The following ABCA13 variants were observed in gnomAD, a reference collection of about 807,000 sequenced individuals.
ABCA13 encodes the protein ATP-binding cassette sub-family A member 13.
In ABCA13, 476 loss-of-function variants were observed where a neutral mutation model predicts 478.7. The observed-to-expected ratio is 0.99, with a 90% confidence interval of 0.92 to 1.07. ABCA13 has a LOEUF of 1.07. Ranked by LOEUF, ABCA13 falls within the 50% of genes least tolerant of loss-of-function variation. The pLI is 0.00. For synonymous variants in ABCA13, 2,252 were observed against 2,158.9 expected (o/e 1.04, Z -1.20); for missense variants, 6,060 against 5,910.6 (o/e 1.03, Z -0.83).
Position 48,272,381 on chromosome 7 carries a change from T to C in ABCA13, c.2715T>C (p.Phe905=), listed in dbSNP as rs1190332889. The stretch of plus-strand genomic sequence containing the variant: ...CTATAATAACTAGTCTCCATGAATT[T>C]GGATTTTTGGAGCAGGAACAGATCT... ...SEAIITSLHE[F]GFLEQEQISE... is the part of the protein sequence containing the mutation. Residue 905 remains phenylalanine, a synonymous_variant, in exon 17 of 62, where the codon TTT becomes TTC. Transcript: ENST00000435803. 6.2e-7 allele frequency: 1 copy of C among 1,613,796 alleles called. No homozygotes were observed.
intron 42 of ABCA13, among the ~76,000 whole-genome samples, chr7:48,437,316 A>G (rs894561344): frequency 6.6e-6 from 1 of 151,930 alleles, no homozygotes; most frequent in Non-Finnish European, 1.5e-5. Context: ...AGTTTATTCT[A>G]TCTGATATTA....
chr7:48,547,180 A>G (rs1431670784), intron 55 of ABCA13, among the ~76,000 whole-genome samples: 1 of 151,624 alleles, frequency 6.6e-6, no homozygotes, highest in Non-Finnish European at 1.5e-5. Context: ...TTTTTCATTC[A>G]TTTCATTCAG....
intron 23 of ABCA13, among the ~76,000 whole-genome samples, chr7:48,301,261 C>T (rs1278259741): frequency 6.6e-6 from 1 of 152,098 alleles, no homozygotes; most frequent in Non-Finnish European, 1.5e-5. Context: ...TTCTTTTGAG[C>T]AGAAATGATT....
intron 12 of ABCA13, 123 bp from the exon 13 acceptor site, chr7:48,245,739 CA>C: frequency 2.1e-6 from 3 of 1,440,560 alleles, no homozygotes; most frequent in Non-Finnish European, 2.8e-6. Context: ...GCAGGTTTTT[CA>C]AAACTTTATG....
At chr7:48,475,284 C>T (rs962810145) in intron 45 of ABCA13, among the ~76,000 whole-genome samples, 2 of 152,062 alleles carry the variant, frequency 1.3e-5, no homozygotes, top group Non-Finnish European at 2.9e-5. Context: ...TCAAAGGAGA[C>T]GTACACAAAG....
intron 42 of ABCA13, among the ~76,000 whole-genome samples, chr7:48,428,701 A>G (rs1821752981): frequency 6.6e-6 from 1 of 152,198 alleles, no homozygotes; most frequent in African/African-American, 2.4e-5. Context: ...TAGCTATTAA[A>G]ATAGATGTGT....
chr7:48,175,113 T>G (rs1794663502), intron 1 of ABCA13, among the ~76,000 whole-genome samples: 7 of 152,352 alleles, frequency 4.6e-5, no homozygotes, highest in Admixed American at 3.9e-4. Context: ...CCATCAACAT[T>G]GGCAAATATT....
At chr7:48,634,383 C>T (rs1794456923) in intron 59 of ABCA13, among the ~76,000 whole-genome samples, 1 of 152,116 alleles carries the variant, frequency 6.6e-6, no homozygotes, top group Non-Finnish European at 1.5e-5. Flanking sequence ...GGTATTATTT[C>T]TTAAAACATT....
intron 29 of ABCA13, among the ~76,000 whole-genome samples, chr7:48,342,239 A>G (rs968526898): frequency 1.3e-5 from 2 of 152,094 alleles, no homozygotes; most frequent in Admixed American, 6.5e-5. Flanking sequence ...GACTCACTCA[A>G]TCCTTGCACA....
chr7:48,489,294 AC>A lies in ABCA13; in HGVS notation c.13243del (p.Ile4416PhefsTer17), dbSNP rs761151004. ...CCTTCCTACTTAAATCATCTAAACA[AC>A]CTTATTTTGTGGCAGCACCTACCCC... ...SLPSYLNHLN[N>X]LILWQHLPPT... On this transcript the variant is annotated frameshift_variant, in exon 48 of 62. Transcript: ENST00000435803. LOFTEE classifies it high-confidence loss of function. 1.4e-5 allele frequency: 22 copies of A among 1,612,928 alleles called. No homozygotes were observed. Among genetic ancestry groups the A allele is most frequent in the Non-Finnish European group, 1.8e-5 (21 of 1,179,346 alleles).
intron 39 of ABCA13, among the ~76,000 whole-genome samples, chr7:48,409,309 T>C (rs1054230931): frequency 6.6e-6 from 1 of 152,252 alleles, no homozygotes; most frequent in African/African-American, 2.4e-5. Context: ...CTAGTTTCTT[T>C]GGCCTCTGCT....
chr7:48,561,983 C>T (rs1021733677), intron 55 of ABCA13, among the ~76,000 whole-genome samples: 17 of 151,870 alleles, frequency 1.1e-4, no homozygotes, highest in African/African-American at 3.4e-4. Flanking sequence ...AAGTGTAGAA[C>T]ATGAAAACAG....
chr7:48,352,209 C>A lies in ABCA13; in HGVS notation c.10410C>A (p.Asp3470Glu). 1 of 1,606,314 alleles carries A rather than the reference C, an allele frequency of 6.2e-7. No homozygotes were observed. Among genetic ancestry groups the A allele is most frequent in the South Asian group, 1.1e-5 (1 of 90,742 alleles). Residue 3470 changes from aspartate to glutamate, a missense_variant, in exon 31 of 62, where the codon GAC (aspartate) becomes GAA (glutamate). By Grantham distance (45) the Asp-to-Glu change is conservative. Transcript: ENST00000435803. ...ASIIFSNSLF[D>E]KNFRSESVKL... ...TCATTTTCAGCAATTCCTTATTCGA[C>A]AAGAACTTCAGATCAGAGTCTGTCA...
At chr7:48,422,888 T>G (rs1391841094) in intron 41 of ABCA13, among the ~76,000 whole-genome samples, 1 of 152,150 alleles carries the variant, frequency 6.6e-6, no homozygotes, top group African/African-American at 2.4e-5. Context: ...AGAGATGAGC[T>G]TTAAAGATGG....
chr7:48,491,728 TAAAG>T (rs1277215437), intron 48 of ABCA13, among the ~76,000 whole-genome samples: 2 of 152,160 alleles, frequency 1.3e-5, no homozygotes, highest in East Asian at 3.9e-4. Flanking sequence ...AAAATATTGA[TAAAG>T]AACTCCCACG....
chr7:48,358,128 G>A (rs1810228067), intron 31 of ABCA13, among the ~76,000 whole-genome samples: 3 of 148,966 alleles, frequency 2.0e-5, no homozygotes, highest in African/African-American at 7.6e-5. Context: ...GGTGACAAGA[G>A]CAAACTCCGT....
At chr7:48,474,753 C>T (rs1259782065) in intron 45 of ABCA13, among the ~76,000 whole-genome samples, 1 of 152,138 alleles carries the variant, frequency 6.6e-6, no homozygotes, top group Non-Finnish European at 1.5e-5. Flanking sequence ...CATGAGATCT[C>T]TGATTTTTTA....
chr7:48,602,689 A>G (rs1791033613), intron 58 of ABCA13, among the ~76,000 whole-genome samples: 1 of 151,312 alleles, frequency 6.6e-6, no homozygotes, highest in Admixed American at 6.6e-5. Flanking sequence ...TTTGCTTAGG[A>G]TTGTCTTGGT....
At position 48,626,152 on chromosome 7, in the gene ABCA13, A is replaced by C. The variant is rs79218345; in HGVS notation, c.14837+10775A>C. Among the ~76,000 whole-genome samples, 716 of 152,320 alleles carry C rather than the reference A, an allele frequency of 4.7e-3. 9 individuals carry two copies. Among genetic ancestry groups the C allele is most frequent in the African/African-American group, 0.017 (693 of 41,570 alleles). ...GGGATTGAGTGGGTAATAAGGCATG[A>C]GCCCTGTAAGAACTGGGCTAGACAC... On this transcript the variant is annotated intron_variant, in intron 59 of 61. Transcript: ENST00000435803.
Sources: allele counts gnomAD v4.1 joint callset (sites outside exome capture counted in the v4.1 genomes callset), GRCh38; gene constraint gnomAD v4.1.1; transcripts MANE v1.5; gene names NCBI Gene and HGNC (gene_info 2026-07-23, HGNC 2026-07-21).